The following CDKN2B-AS1 variants were observed in gnomAD, a reference collection of about 807,000 sequenced individuals.
CDKN2B-AS1 encodes CDKN2B antisense RNA 1 (non-protein coding).
chr9:22,055,326 T>G (rs1204392103), intron 3 of CDKN2B-AS1, among the ~76,000 whole-genome samples: 1 of 152,220 alleles, frequency 6.6e-6, no homozygotes, highest in Non-Finnish European at 1.5e-5. Context: ...GCTGTTTGAC[T>G]TTTAAACCAA....
chr9:22,102,429 G>A (rs1384641224), intron 4 of CDKN2B-AS1, among the ~76,000 whole-genome samples: 1 of 152,118 alleles, frequency 6.6e-6, no homozygotes, highest in African/African-American at 2.4e-5. Context: ...TTACAGTTTG[G>A]AGGCAGAAGG....
At chr9:22,102,432 G>A (rs1237477217) in intron 4 of CDKN2B-AS1, among the ~76,000 whole-genome samples, 1 of 152,130 alleles carries the variant, frequency 6.6e-6, no homozygotes, top group Non-Finnish European at 1.5e-5. Flanking sequence ...CAGTTTGGAG[G>A]CAGAAGGTCT....
At chr9:22,113,851 A>G (rs1369324853) in intron 4 of CDKN2B-AS1, 1 of 152,214 alleles carries the variant, frequency 6.6e-6, no homozygotes, top group Non-Finnish European at 1.5e-5. Flanking sequence ...AAATTTCAAT[A>G]TCTGATACAA....
At chr9:22,042,382 C>A (rs1466278573) in intron 1 of CDKN2B-AS1, among the ~76,000 whole-genome samples, 3 of 152,036 alleles carry the variant, frequency 2.0e-5, no homozygotes, top group African/African-American at 7.2e-5. Flanking sequence ...TATTACAATT[C>A]ACAGAGCTCA....
chr9:22,070,708 C>A (rs1311378008), intron 4 of CDKN2B-AS1, among the ~76,000 whole-genome samples: 1 of 152,132 alleles, frequency 6.6e-6, no homozygotes, highest in East Asian at 1.9e-4. Context: ...GTTACCGGTC[C>A]CAGCCATGAC....
intron 1 of CDKN2B-AS1, among the ~76,000 whole-genome samples, chr9:22,016,557 G>T (rs563455480): frequency 7.9e-5 from 12 of 152,224 alleles, no homozygotes; most frequent in African/African-American, 2.6e-4. Context: ...ATACTACAAG[G>T]CTACAGTAAC....
intron 4 of CDKN2B-AS1, chr9:22,118,881 G>C (rs1826026464): frequency 6.6e-6 from 1 of 152,112 alleles, no homozygotes; most frequent in Non-Finnish European, 1.5e-5. Flanking sequence ...CTGAATATAG[G>C]ATTGTTAAAT....
chr9:21,996,551 G>C lies in CDKN2B-AS1; in HGVS notation n.29+1390G>C, dbSNP rs1309476301. Among the ~76,000 whole-genome samples, 2 of 152,038 alleles carry C rather than the reference G, an allele frequency of 1.3e-5. No individual in the cohort carries two copies. The highest frequency in any genetic ancestry group is 2.9e-5 in the Non-Finnish European group (2 of 68,010). On this transcript the variant is annotated intron_variant and non_coding_transcript_variant, in intron 1 of 4. Coordinates refer to ENST00000650946, the Ensembl canonical transcript of CDKN2B-AS1. This position sits in a 1 kb window ranked among gnomAD's most constrained non-coding sequence, Gnocchi z 5.4. Reference sequence around the variant, plus strand: ...TTTTTTTCTTTATAGCACTTAGGACGAAGAGATTATTTTACTTATGTACTT... The same window carrying C: ...TTTTTTTCTTTATAGCACTTAGGACCAAGAGATTATTTTACTTATGTACTT...
intron 4 of CDKN2B-AS1, among the ~76,000 whole-genome samples, chr9:22,091,993 T>G (rs1259461169): frequency 6.6e-6 from 1 of 152,174 alleles, no homozygotes; most frequent in Non-Finnish European, 1.5e-5. Flanking sequence ...TTGAGATACA[T>G]CCCATCAATA....
chr9:22,085,442 G>C (rs1450351639), intron 4 of CDKN2B-AS1, among the ~76,000 whole-genome samples: 3 of 152,130 alleles, frequency 2.0e-5, no homozygotes, highest in East Asian at 1.9e-4. Flanking sequence ...CTCTCTGGCC[G>C]GGCGCGGTGG....
At chr9:22,051,776 C>T (rs142976802) in intron 3 of CDKN2B-AS1, among the ~76,000 whole-genome samples, 6 of 152,062 alleles carry the variant, frequency 3.9e-5, no homozygotes, top group African/African-American at 9.7e-5. Context: ...GTTTTTGCTT[C>T]TAGGTATATT....
At chr9:22,119,116 A>T (rs1356534397) in intron 4 of CDKN2B-AS1, 8 of 151,790 alleles carry the variant, frequency 5.3e-5, no homozygotes, top group Non-Finnish European at 1.0e-4. Flanking sequence ...CAGTTTCCTC[A>T]TTCAATATGG....
chr9:22,061,511 A>G (rs1170441813), intron 4 of CDKN2B-AS1, among the ~76,000 whole-genome samples: 1 of 152,194 alleles, frequency 6.6e-6, no homozygotes, highest in African/African-American at 2.4e-5. Context: ...CATTATTAAT[A>G]TGTGTCTGAC....
intron 1 of CDKN2B-AS1, chr9:22,029,356 C>T (rs1177845875): frequency 2.6e-6 from 2 of 758,818 alleles, no homozygotes; most frequent in Non-Finnish European, 4.9e-6. Context: ...TAATGGGATT[C>T]CTGATGGAAT....
intron 4 of CDKN2B-AS1, among the ~76,000 whole-genome samples, chr9:22,067,489 T>A (rs932697535): frequency 6.6e-6 from 1 of 152,080 alleles, no homozygotes; most frequent in Non-Finnish European, 1.5e-5. Context: ...TGTGTTATTG[T>A]CATTACAGAG....
intron 4 of CDKN2B-AS1, among the ~76,000 whole-genome samples, chr9:22,101,966 G>A (rs1825499604): frequency 6.6e-6 from 1 of 152,160 alleles, no homozygotes; most frequent in Non-Finnish European, 1.5e-5. Context: ...GGAAGGATCC[G>A]TTAGCTCCAG....
At chr9:22,043,463 C>T (rs1361761358) in intron 1 of CDKN2B-AS1, among the ~76,000 whole-genome samples, 1 of 151,912 alleles carries the variant, frequency 6.6e-6, no homozygotes, top group African/African-American at 2.4e-5. Flanking sequence ...CAAATATATC[C>T]AGTGTTCAGT....
Position 22,027,169 on chromosome 9 carries a change from C to A in CDKN2B-AS1, n.30-19582C>A, listed in dbSNP as rs532258444. On this transcript the variant is annotated intron_variant and non_coding_transcript_variant, in intron 1 of 4. Transcript: ENST00000650946. ...CATCTTGGCCACTCCTGCCCTAAAC[C>A]TTTCTAGCAAAAAAAAAAAAAAAAT... is the stretch of plus-strand genomic sequence containing the variant. Among the ~76,000 whole-genome samples the A allele has an allele frequency of 1.1e-4, 14 of 126,200 alleles. No homozygotes were observed. The East Asian group carries it at 2.6e-3, about 23-fold the overall frequency. The allele number at this position is 126,200 out of a possible 152,430, so 82.8% of individuals were successfully genotyped here.
chr9:21,999,775 C>T lies in CDKN2B-AS1; in HGVS notation n.29+4614C>T, dbSNP rs1022106751. 1.8e-4 allele frequency among the ~76,000 whole-genome samples: 28 copies of T among 152,050 alleles called. No individual in the cohort carries two copies. The highest frequency in any genetic ancestry group is 2.9e-5 in the Non-Finnish European group (2 of 67,978). The stretch of plus-strand genomic sequence containing the variant: ...AGGGCTCATTCATAAAATAATAAAA[C>T]TGTGCATCCATAAACAATAATGAAG... On this transcript the variant is annotated intron_variant and non_coding_transcript_variant, in intron 1 of 4. Transcript: ENST00000650946. The surrounding 1 kb of genome is among the most constrained non-coding windows in gnomAD (Gnocchi z 4.7).
Sources: allele counts gnomAD v4.1 joint callset (sites outside exome capture counted in the v4.1 genomes callset), GRCh38; gene constraint gnomAD v4.1.1; non-coding constraint Gnocchi (gnomAD v3.1); transcripts MANE v1.5; gene names NCBI Gene and HGNC (gene_info 2026-07-23, HGNC 2026-07-21).